GPC5: variants seen among roughly 807,000 people sequenced by gnomAD.
GPC5 encodes the protein glypican-5.
A neutral mutation model predicts 53.9 loss-of-function variants in GPC5; 47 were observed. The ratio of observed to expected loss-of-function variants is 0.87; its 90% confidence interval spans 0.69 to 1.11. The LOEUF (loss-of-function observed/expected upper bound fraction) is 1.11, where lower values mean the gene tolerates loss of function less well. Among genes scored for constraint, GPC5 ranks in the 50% most tolerant of loss-of-function variants. The probability of loss-of-function intolerance (pLI) is 0.00; values close to 1 mark genes in which losing one functional copy is unlikely to be tolerated. For missense variants in GPC5, 748 were observed against 713.1 expected (o/e 1.05, Z -0.56); for synonymous variants, 286 against 263.3 (o/e 1.09, Z -0.84).
chr13:92,135,122 C>T (rs1359094481), intron 6 of GPC5, among the ~76,000 whole-genome samples: 8 of 152,026 alleles, frequency 5.3e-5, no homozygotes, highest in Non-Finnish European at 7.4e-5. Context: ...TTTTCCCTTA[C>T]TCCTGTCATT....
At chr13:91,960,559 A>T (rs1167221046) in intron 6 of GPC5, among the ~76,000 whole-genome samples, 1 of 152,032 alleles carries the variant, frequency 6.6e-6, no homozygotes, top group African/African-American at 2.4e-5. Context: ...ATAGAAAAAC[A>T]ACTCTAAAAT....
intron 5 of GPC5, among the ~76,000 whole-genome samples, chr13:91,863,010 C>A (rs1566310287): frequency 6.6e-6 from 1 of 151,188 alleles, no homozygotes; most frequent in African/African-American, 2.4e-5. Context: ...CTCCCTCTCC[C>A]TTTCCCTTCC....
intron 3 of GPC5, among the ~76,000 whole-genome samples, chr13:91,727,757 C>G (rs898194480): frequency 1.3e-5 from 2 of 152,110 alleles, no homozygotes; most frequent in Non-Finnish European, 2.9e-5. Flanking sequence ...CCAGAGTCTC[C>G]TGATTCCAGG....
intron 5 of GPC5, among the ~76,000 whole-genome samples, chr13:91,856,802 A>G (rs1387688776): frequency 1.3e-5 from 2 of 151,336 alleles, no homozygotes; most frequent in African/African-American, 2.4e-5. Flanking sequence ...CTGTTACTAT[A>G]AATTTATTAT....
chr13:92,495,435 CTTTGATTGA>C (rs1879935268), intron 7 of GPC5, among the ~76,000 whole-genome samples: 1 of 152,052 alleles, frequency 6.6e-6, no homozygotes, highest in Non-Finnish European at 1.5e-5. Context: ...TCCTGAATGA[CTTTGATTGA>C]CTATATTTTT....
At chr13:92,481,938 G>A (rs948458639) in intron 7 of GPC5, among the ~76,000 whole-genome samples, 12 of 152,012 alleles carry the variant, frequency 7.9e-5, no homozygotes, top group Non-Finnish European at 1.8e-4. Context: ...AGATCAGCCT[G>A]GCCAATATGG....
intron 4 of GPC5, among the ~76,000 whole-genome samples, chr13:91,755,078 T>C (rs2037261019): frequency 6.6e-6 from 1 of 152,058 alleles, no homozygotes; most frequent in African/African-American, 2.4e-5. Flanking sequence ...TAAAAACCGA[T>C]AGGTTTGTGT....
intron 1 of GPC5, among the ~76,000 whole-genome samples, chr13:91,440,500 A>C (rs1274585812): frequency 1.3e-5 from 2 of 151,862 alleles, no homozygotes; most frequent in African/African-American, 4.8e-5. Context: ...ATTTATTCTG[A>C]GTTTATGTTC....
At chr13:92,695,981 G>A (rs1419307092) in intron 7 of GPC5, among the ~76,000 whole-genome samples, 2 of 152,194 alleles carry the variant, frequency 1.3e-5, no homozygotes, top group African/African-American at 4.8e-5. Flanking sequence ...AGTTTGCTGA[G>A]AATGACAGTT....
intron 7 of GPC5, among the ~76,000 whole-genome samples, chr13:92,526,545 A>G (rs1666258904): frequency 6.6e-6 from 1 of 152,046 alleles, no homozygotes; most frequent in African/African-American, 2.4e-5. Flanking sequence ...AAGGGTAGGG[A>G]ATGTTGCTTT....
At position 92,653,307 on chromosome 13, in the gene GPC5, G is replaced by A. The variant is rs115283173; in HGVS notation, c.1562-212975G>A. On this transcript the variant is annotated intron_variant, in intron 7 of 7. Transcript: ENST00000377067. ...GGAAGGAAGTGGAAGGGATGCATTC[G>A]TTTCTAGCATGCCCAATCTACTTTA... is the stretch of plus-strand genomic sequence containing the variant. Among the ~76,000 whole-genome samples the A allele has an allele frequency of 9.0e-3, 1,369 of 152,214 alleles. 27 individuals carry two copies. The highest frequency in any genetic ancestry group is 0.031 in the African/African-American group (1,276 of 41,536).
chr13:92,627,351 A>G (rs1885080717), intron 7 of GPC5, among the ~76,000 whole-genome samples: 1 of 152,252 alleles, frequency 6.6e-6, no homozygotes, highest in Non-Finnish European at 1.5e-5. Context: ...TATAGTTTAT[A>G]GAACCATACT....
intron 1 of GPC5, among the ~76,000 whole-genome samples, chr13:91,427,478 G>A (rs1454532015): frequency 3.3e-5 from 5 of 152,180 alleles, no homozygotes; most frequent in African/African-American, 1.2e-4. Context: ...TATGGGGCCA[G>A]TAACCTCTTT....
intron 2 of GPC5, among the ~76,000 whole-genome samples, chr13:91,469,022 C>T (rs935400509): frequency 1.3e-5 from 2 of 151,522 alleles, no homozygotes; most frequent in African/African-American, 4.9e-5. Flanking sequence ...AGACTACAGG[C>T]ATGCACCACC....
chr13:91,776,056 A>G (rs1008214997), intron 5 of GPC5, among the ~76,000 whole-genome samples: 1 of 152,156 alleles, frequency 6.6e-6, no homozygotes, highest in Non-Finnish European at 1.5e-5. Context: ...GGGTACTTCC[A>G]CATGTTGCCT....
chr13:91,623,219 A>T (rs111459476), intron 2 of GPC5, among the ~76,000 whole-genome samples: 1 of 152,146 alleles, frequency 6.6e-6, no homozygotes, highest in African/African-American at 2.4e-5. Context: ...AAAACTTAAT[A>T]ATCTAGAGCT....
At chr13:92,834,820 C>CATATAT (rs1374362970) in intron 7 of GPC5, among the ~76,000 whole-genome samples, 1 of 152,028 alleles carries the variant, frequency 6.6e-6, no homozygotes, top group Non-Finnish European at 1.5e-5. Flanking sequence ...CACTAAGGGC[C>CATATAT]ATAGTGTAAA....
At chr13:91,652,586 G>C (rs1419827272) in intron 2 of GPC5, among the ~76,000 whole-genome samples, 1 of 152,086 alleles carries the variant, frequency 6.6e-6, no homozygotes, top group African/African-American at 2.4e-5. Context: ...CAGCACAAAG[G>C]GATGATTCAT....
At chr13:91,694,013 T>C (rs1594441092) in intron 3 of GPC5, 132 bp downstream of exon 3, 4 of 745,766 alleles carry the variant, frequency 5.4e-6, no homozygotes, top group Non-Finnish European at 6.3e-6. Context: ...TTATATCTTA[T>C]GATAAAATTT....
Sources: gnomAD v4.1 joint callset for allele counts (sites outside exome capture counted in the v4.1 genomes callset) on GRCh38, gnomAD v4.1.1 for gene constraint, MANE v1.5 for transcripts, NCBI Gene and HGNC (gene_info 2026-07-23, HGNC 2026-07-21) for gene names.